Variants in MRPS28 observed in about 807,000 individuals in gnomAD.
MRPS28 encodes the protein small ribosomal subunit protein bS1m.
A neutral mutation model predicts 10.8 loss-of-function variants in MRPS28; 7 were observed. The ratio of observed to expected loss-of-function variants is 0.65; its 90% CI spans 0.37 to 1.22. MRPS28 has a LOEUF of 1.22. MRPS28 is among the 50% of genes most tolerant of loss of function. The pLI is 0.02. For synonymous variants in MRPS28, 121 were observed against 93.3 expected (o/e 1.30, Z -1.71); for missense variants, 265 against 232.9 (o/e 1.14, Z -0.90).
chr8:79,995,450 G>T (rs1217543278), intron 2 of MRPS28, among the ~76,000 whole-genome samples: 1 of 152,126 alleles, frequency 6.6e-6, no homozygotes, highest in Admixed American at 6.6e-5. Flanking sequence ...CAGGATTTCG[G>T]ATTGAATAAT....
At chr8:80,025,762 G>A (rs1464287354) in intron 1 of MRPS28, among the ~76,000 whole-genome samples, 1 of 152,142 alleles carries the variant, frequency 6.6e-6, no homozygotes, top group Admixed American at 6.6e-5. Flanking sequence ...GGGGGAAAAG[G>A]AGATACACAG....
At chr8:79,929,187 C>T (rs905784528) in intron 2 of MRPS28, among the ~76,000 whole-genome samples, 9 of 152,136 alleles carry the variant, frequency 5.9e-5, no homozygotes, top group Non-Finnish European at 1.2e-4. Context: ...GAAAAGCAAG[C>T]ACTTTAAAGC....
Position 79,954,699 on chromosome 8 carries a change from C to A in MRPS28, c.396-35551G>T, listed in dbSNP as rs562014571. Among the ~76,000 whole-genome samples, 167 of 152,312 alleles carry A rather than the reference C, an allele frequency of 1.1e-3. 1 individual carries two copies. The highest frequency in any genetic ancestry group is 3.9e-3 in the African/African-American group (161 of 41,574). ...TGGCAGTGTTTCCTCCACTGCAATT[C>A]TCTTGAAAACTTTGTGGGCTTTTTG... On this transcript the variant is annotated intron_variant, in intron 2 of 2. Transcript: ENST00000276585.
intron 2 of MRPS28, among the ~76,000 whole-genome samples, chr8:79,937,250 C>T (rs1294598655): frequency 6.6e-6 from 1 of 152,170 alleles, no homozygotes; most frequent in Non-Finnish European, 1.5e-5. Context: ...GGAAGTAAAG[C>T]ATAACTCATT....
At chr8:79,981,830 T>C (rs956867226) in intron 2 of MRPS28, among the ~76,000 whole-genome samples, 3 of 152,252 alleles carry the variant, frequency 2.0e-5, no homozygotes, top group Admixed American at 6.5e-5. Flanking sequence ...GAGAGTAGCA[T>C]AAAATCCACA....
At chr8:79,968,098 T>G (rs934215404) in intron 2 of MRPS28, among the ~76,000 whole-genome samples, 2 of 152,158 alleles carry the variant, frequency 1.3e-5, no homozygotes, top group Admixed American at 6.6e-5. Context: ...ACCTTTTCAA[T>G]TGGTTCCTTC....
intron 2 of MRPS28, among the ~76,000 whole-genome samples, chr8:79,927,828 T>C (rs1806333201): frequency 6.6e-6 from 1 of 152,200 alleles, no homozygotes; most frequent in Non-Finnish European, 1.5e-5. Context: ...CAGTAGAGTA[T>C]GTAGGTTGGC....
chr8:79,992,537 T>G (rs1225506716), intron 2 of MRPS28, among the ~76,000 whole-genome samples: 1 of 152,258 alleles, frequency 6.6e-6, no homozygotes, highest in Non-Finnish European at 1.5e-5. Flanking sequence ...TAGTCATTTA[T>G]TCATACATTC....
chr8:80,000,979 T>C (rs962972425), intron 2 of MRPS28, among the ~76,000 whole-genome samples: 1 of 152,194 alleles, frequency 6.6e-6, no homozygotes, highest in Non-Finnish European at 1.5e-5. Context: ...AAGAAATAAA[T>C]ATCCATGAAA....
intron 1 of MRPS28, chr8:80,029,747 T>TC: frequency 1.4e-6 from 2 of 1,469,796 alleles, no homozygotes; most frequent in Non-Finnish European, 9.0e-7. Flanking sequence ...CCAGCAGCGC[T>TC]CCCCGCTGGT....
intron 1 of MRPS28, chr8:80,028,649 C>CGGGGGGGGGGGGGGGGGGG (rs1391638801): frequency 1.3e-3 from 6 of 4,538 alleles, no homozygotes; most frequent in Admixed American, 5.1e-3. Flanking sequence ...AGAAGACGGG[C>CGGGGGGGGGGGGGGGGGGG]GGGGGGGGCG....
At chr8:79,940,925 T>C (rs1169308531) in intron 2 of MRPS28, among the ~76,000 whole-genome samples, 1 of 152,204 alleles carries the variant, frequency 6.6e-6, no homozygotes, top group African/African-American at 2.4e-5. Flanking sequence ...TCATTATTTT[T>C]TGGACGTAGG....
chr8:79,926,964 T>G (rs1011307195), intron 2 of MRPS28, among the ~76,000 whole-genome samples: 6 of 152,212 alleles, frequency 3.9e-5, no homozygotes, highest in Admixed American at 3.3e-4. Context: ...ACAAAATCAC[T>G]GATTAATGCG....
At chr8:79,973,839 T>TAAA (rs11449920) in intron 2 of MRPS28, among the ~76,000 whole-genome samples, 3,503 of 136,074 alleles carry the variant, frequency 0.026, 161 homozygotes, top group African/African-American at 0.089. Context: ...AATAAATTAA[T>TAAA]AAAAAAAAAA....
chr8:79,944,482 G>T (rs1352055133), intron 2 of MRPS28, among the ~76,000 whole-genome samples: 1 of 152,072 alleles, frequency 6.6e-6, no homozygotes, highest in Admixed American at 6.5e-5. Flanking sequence ...GCAAAATTTG[G>T]TCTGAGATTT....
At chr8:79,936,022 C>T (rs1806595431) in intron 2 of MRPS28, among the ~76,000 whole-genome samples, 1 of 151,440 alleles carries the variant, frequency 6.6e-6, no homozygotes, top group Non-Finnish European at 1.5e-5. Context: ...CATACTTTTG[C>T]TATTAATATT....
At chr8:79,933,256 C>A (rs1042094421) in intron 2 of MRPS28, among the ~76,000 whole-genome samples, 1 of 152,208 alleles carries the variant, frequency 6.6e-6, no homozygotes, top group Non-Finnish European at 1.5e-5. Flanking sequence ...CTGGTGAAGG[C>A]TCTCTTCCCG....
chr8:79,948,863 T>C (rs2129961364), intron 2 of MRPS28, among the ~76,000 whole-genome samples: 1 of 152,334 alleles, frequency 6.6e-6, no homozygotes, highest in African/African-American at 2.4e-5. Context: ...TTCTTGATTG[T>C]TACCATTTTG....
intron 1 of MRPS28, among the ~76,000 whole-genome samples, chr8:80,021,138 G>T (rs1198709000): frequency 2.6e-5 from 4 of 151,908 alleles, no homozygotes; most frequent in African/African-American, 9.7e-5. Context: ...GAGTAGCTGG[G>T]ACTACAGGCA....
Sources: allele counts gnomAD v4.1 joint callset (sites outside exome capture counted in the v4.1 genomes callset), GRCh38; gene constraint gnomAD v4.1.1; transcripts MANE v1.5; gene names NCBI Gene and HGNC (gene_info 2026-07-23, HGNC 2026-07-21).